The following CFAP20DC variants were observed in gnomAD, a reference collection of about 807,000 sequenced individuals.
CFAP20DC encodes the protein protein CFAP20DC.
In CFAP20DC, 84 loss-of-function variants were observed where a neutral mutation model predicts 101.7. The ratio of observed to expected loss-of-function variants is 0.83; its 90% confidence interval spans 0.69 to 0.99. The LOEUF (loss-of-function observed/expected upper bound fraction) is 0.99. CFAP20DC is among the 50% of genes least tolerant of loss of function. CFAP20DC has a pLI of 0.00. For synonymous variants in CFAP20DC, 359 were observed against 351.2 expected (o/e 1.02, Z -0.25); for missense variants, 1,007 against 970.3 (o/e 1.04, Z -0.50).
chr3:58,974,356 G>A (rs1292482463), intron 4 of CFAP20DC, among the ~76,000 whole-genome samples: 2 of 152,184 alleles, frequency 1.3e-5, no homozygotes, highest in African/African-American at 2.4e-5. Flanking sequence ...AGAATATGTG[G>A]TATTTGGTTT....
chr3:58,992,545 C>T, intron 4 of CFAP20DC: 1 of 984,156 alleles, frequency 1.0e-6, no homozygotes, highest in Non-Finnish European at 1.2e-6. Flanking sequence ...CTAGTCTACA[C>T]TAATCTCATT....
chr3:58,803,389 A>C (rs2073844853), intron 15 of CFAP20DC, among the ~76,000 whole-genome samples: 1 of 152,192 alleles, frequency 6.6e-6, no homozygotes, highest in East Asian at 1.9e-4. Flanking sequence ...ACTTCAGAGA[A>C]TTACCTTCTC....
intron 15 of CFAP20DC, among the ~76,000 whole-genome samples, chr3:58,759,853 G>A (rs558449548): frequency 2.2e-4 from 33 of 152,180 alleles, no homozygotes; most frequent in Non-Finnish European, 3.7e-4. Flanking sequence ...GTAGATATGC[G>A]GCATTATTTC....
intron 4 of CFAP20DC, among the ~76,000 whole-genome samples, chr3:58,979,146 A>G (rs781066131): frequency 1.9e-4 from 29 of 152,286 alleles, no homozygotes; most frequent in Non-Finnish European, 3.4e-4. Flanking sequence ...GAATCACAAA[A>G]CCTGGCCTGC....
At chr3:58,934,344 C>A (rs1334952430) in intron 5 of CFAP20DC, among the ~76,000 whole-genome samples, 2 of 152,126 alleles carry the variant, frequency 1.3e-5, no homozygotes, top group African/African-American at 4.8e-5. Flanking sequence ...ACCAGAGGTA[C>A]AAGGAGGAAC....
At chr3:58,716,923 G>C (rs1019794806), downstream of CFAP20DC, among the ~76,000 whole-genome samples, 4 of 152,106 alleles carry the variant, frequency 2.6e-5, no homozygotes, top group African/African-American at 9.7e-5. Flanking sequence ...CCTCTTTCTT[G>C]GTTGTAGGAG....
rs918927155 is a variant in CFAP20DC at position 59,014,699 on chromosome 3, G to A, written c.278+24858C>T. Among the ~76,000 whole-genome samples the A allele has an allele frequency of 2.0e-5, 3 of 152,046 alleles. No individual in the cohort carries two copies. Among genetic ancestry groups the A allele is most frequent in the South Asian group, 2.1e-4 (1 of 4,820 alleles). On this transcript the variant is annotated intron_variant, in intron 4 of 16. Transcript: ENST00000482387. This position sits in a 1 kb window ranked among gnomAD's most constrained non-coding sequence, Gnocchi z 4.9. ...AAGTGAGAGTAATTTATTTACTAAC[G>A]GCTAACCCTCAATTATCTGCATTAA... is the stretch of plus-strand genomic sequence containing the variant.
At chr3:58,871,105 C>A (rs2080170375) in intron 7 of CFAP20DC, among the ~76,000 whole-genome samples, 1 of 152,012 alleles carries the variant, frequency 6.6e-6, no homozygotes, top group Admixed American at 6.6e-5. Context: ...AAACAGGTCA[C>A]CAATGTAAGG....
chr3:58,941,752 T>G (rs1233551589), intron 4 of CFAP20DC, among the ~76,000 whole-genome samples: 1 of 152,048 alleles, frequency 6.6e-6, no homozygotes, highest in African/African-American at 2.4e-5. Context: ...GTATTTTTAG[T>G]AGCGATGGGG....
At chr3:58,972,505 A>G (rs530327666) in intron 4 of CFAP20DC, among the ~76,000 whole-genome samples, 1 of 152,300 alleles carries the variant, frequency 6.6e-6, no homozygotes, top group Admixed American at 6.5e-5. Context: ...TATGGATTGC[A>G]TTAGTGAAAT....
Position 58,742,363 on chromosome 3 carries a change from G to A in CFAP20DC, c.*97C>T. On this transcript the variant is annotated 3_prime_UTR_variant, in exon 17 of 17. Coordinates refer to ENST00000482387, the MANE Select transcript of CFAP20DC (RefSeq NM_001394063.1). ...TCTCTCAGTTACTGTTGATTTTGTG[G>A]TCACCCAACACATAAGTTGTGGTGA... 3.0e-6 allele frequency: 4 copies of A among 1,312,816 alleles called. No individual in the cohort carries two copies. The highest frequency in any genetic ancestry group is 2.9e-6 in the Non-Finnish European group (3 of 1,021,236). 81.3% of individuals were successfully genotyped at this position (1,312,816 alleles called of 1,614,324 possible). A position where few individuals can be genotyped will look rare whatever the true frequency, so the allele number is the denominator to read the frequency against.
At position 58,742,563 on chromosome 3, in the gene CFAP20DC, T is replaced by C. The variant is rs773518612; in HGVS notation, c.2342A>G (p.Asp781Gly). 2 of 1,599,210 alleles carry C rather than the reference T, an allele frequency of 1.3e-6. No individual in the cohort carries two copies. Among genetic ancestry groups the C allele is most frequent in the Admixed American group, 3.4e-5 (2 of 58,144 alleles). The part of the protein sequence containing the change: ...CESLSVQGEE[D>G]LSVEEDEEVL... ...TTCCTCGTCCTCTTCCACACTGAGG[T>C]CTTCTTCACCTGTGGGGAAGGGGAA... Residue 781 changes from aspartate (D) to glycine (G), a missense_variant, in exon 17 of 17, where the codon GAC becomes GGC. Transcript: ENST00000482387.
intron 14 of CFAP20DC, among the ~76,000 whole-genome samples, chr3:58,815,748 C>T (rs1175418036): frequency 4.0e-5 from 6 of 150,362 alleles, no homozygotes; most frequent in East Asian, 3.9e-4. Context: ...AGCCAAAAAA[C>T]ACATGAAAAA....
At chr3:59,037,387 C>A (rs1177813555) in intron 4 of CFAP20DC, among the ~76,000 whole-genome samples, 1 of 150,226 alleles carries the variant, frequency 6.7e-6, no homozygotes, top group Admixed American at 6.7e-5. Context: ...ACCCATCTGA[C>A]AAAGGGCTAA....
chr3:59,047,120 A>G (rs1020020814), intron 2 of CFAP20DC, 45 bp downstream of exon 2: 7 of 1,259,414 alleles, frequency 5.6e-6, no homozygotes, highest in African/African-American at 4.5e-5. Context: ...AGCTTCACTC[A>G]CATTTCTTCC....
At chr3:58,960,348 C>A (rs1435703049) in intron 4 of CFAP20DC, among the ~76,000 whole-genome samples, 1 of 151,762 alleles carries the variant, frequency 6.6e-6, no homozygotes, top group Non-Finnish European at 1.5e-5. Context: ...CAAAATTAGC[C>A]GGGCGTGGTG....
In CFAP20DC at chr3:58,856,982, C is replaced by T. The variant is rs190284132; in HGVS notation, c.1593+6576G>A. Among the ~76,000 whole-genome samples, 286 of 152,178 alleles carry T rather than the reference C, an allele frequency of 1.9e-3. 6 individuals are homozygous for T. Among genetic ancestry groups the T allele is most frequent in the Non-Finnish European group, 4.7e-4 (32 of 68,012 alleles). ...TGAAGACTTGTTATTCTGTATATGA[C>T]GTAGGTAGAAACTGGAGGTGTTTTC... On this transcript the variant is annotated intron_variant, in intron 12 of 16. Coordinates refer to ENST00000482387, the MANE Select transcript of CFAP20DC (RefSeq NM_001394063.1).
chr3:58,869,323 C>T lies in CFAP20DC; in HGVS notation c.1015+5G>A. On this transcript the variant is annotated splice_donor_5th_base_variant and intron_variant, in intron 9 of 16. Transcript: ENST00000482387. The surrounding 1 kb of genome is among the most constrained non-coding windows in gnomAD (Gnocchi z 4.3). ...TATCAATCTTTATGCATGATTATTT[C>T]TTACCATGAATAGGTACAGTCTGCT... 1 of 1,603,274 alleles carries T rather than the reference C, an allele frequency of 6.2e-7. No homozygotes were observed. The highest frequency in any genetic ancestry group is 8.5e-7 in the Non-Finnish European group (1 of 1,173,342).
At chr3:58,930,830 C>T (rs1293067830) in intron 5 of CFAP20DC, among the ~76,000 whole-genome samples, 1 of 152,188 alleles carries the variant, frequency 6.6e-6, no homozygotes, top group Non-Finnish European at 1.5e-5. Flanking sequence ...CTACAGCTCC[C>T]AGCGTGAGCG....
Sources: allele counts gnomAD v4.1 joint callset (sites outside exome capture counted in the v4.1 genomes callset), GRCh38; gene constraint gnomAD v4.1.1; non-coding constraint Gnocchi (gnomAD v3.1); transcripts MANE v1.5; gene names NCBI Gene and HGNC (gene_info 2026-07-23, HGNC 2026-07-21).